Variants in OSBPL6 observed in about 807,000 individuals in gnomAD.
OSBPL6 encodes oxysterol-binding protein-related protein 6.
A neutral mutation model predicts 125.8 loss-of-function variants in OSBPL6; 49 were observed. The ratio of observed to expected loss-of-function variants is 0.39; its 90% confidence interval spans 0.31 to 0.49. The LOEUF is 0.49. Among genes scored for constraint, OSBPL6 ranks in the 20% least tolerant of loss-of-function variants. The probability of loss-of-function intolerance (pLI) is 0.88; values close to 1 mark genes in which losing one functional copy is unlikely to be tolerated. For missense variants in OSBPL6, 986 were observed against 1,135.4 expected, an observed-to-expected ratio of 0.87 and a Z score of 1.89; for synonymous variants, 394 against 391.8, an observed-to-expected ratio of 1.01 and a Z score of -0.07.
chr2:178,195,300 C>T (rs1439505237), intron 1 of OSBPL6, among the ~76,000 whole-genome samples: 1 of 152,248 alleles, frequency 6.6e-6, no homozygotes, highest in Non-Finnish European at 1.5e-5. Context: ...CCTCCGTCCA[C>T]TCCCCCGGCC....
chr2:178,378,987 A>T (rs74927091), intron 15 of OSBPL6, among the ~76,000 whole-genome samples: 3 of 151,830 alleles, frequency 2.0e-5, no homozygotes, highest in Non-Finnish European at 4.4e-5. Context: ...CAATACAGGG[A>T]GCCCCCACCT....
Position 178,398,802 on chromosome 2 carries a change from A to G in OSBPL6, c.*3243A>G, listed in dbSNP as rs1696001485. ...AGGCCTTTCAGCAACCCCACTAATC[A>G]ATTATTAGATCCTGCCCCAAGGAGC... On this transcript the variant is annotated 3_prime_UTR_variant, in exon 25 of 25. Coordinates refer to ENST00000190611, the MANE Select transcript of OSBPL6 (RefSeq NM_032523.4). 1 of 152,146 alleles carries G rather than the reference A, an allele frequency of 6.6e-6. No homozygotes were observed. Among genetic ancestry groups the G allele is most frequent in the African/African-American group, 2.4e-5 (1 of 41,406 alleles). The allele number at this position is 152,146 out of a possible 1,614,324, so 9.4% of individuals were successfully genotyped here.
In OSBPL6 at chr2:178,395,567, A is replaced by G; in HGVS notation, c.*8A>G. The G allele has an allele frequency of 6.4e-7, 1 of 1,566,340 alleles. No homozygotes were observed. The highest frequency in any genetic ancestry group is 8.8e-7 in the Non-Finnish European group (1 of 1,137,852). On this transcript the variant is annotated 3_prime_UTR_variant, in exon 25 of 25. Transcript: ENST00000190611. ...AGCCCTGTTCTTTGGTAGACTGGGA[A>G]TGTAGAGCTAGCCAACATATCACAT...
chr2:178,323,710 G>A (rs1466258301), intron 3 of OSBPL6: 3 of 152,214 alleles, frequency 2.0e-5, no homozygotes, highest in Non-Finnish European at 4.4e-5. Flanking sequence ...TGATCCGTCT[G>A]CCCCAGCCTC....
At chr2:178,301,776 G>C (rs1686313882) in intron 2 of OSBPL6, among the ~76,000 whole-genome samples, 1 of 152,142 alleles carries the variant, frequency 6.6e-6, no homozygotes, top group African/African-American at 2.4e-5. Context: ...CCATCCCATG[G>C]TTCTGCAATG....
intron 1 of OSBPL6, among the ~76,000 whole-genome samples, chr2:178,278,959 T>C (rs1322278042): frequency 6.6e-6 from 1 of 152,186 alleles, no homozygotes; most frequent in Non-Finnish European, 1.5e-5. Flanking sequence ...TTAAGACCAA[T>C]CCTTCTTTGT....
rs115740251 is a variant in OSBPL6 at position 178,286,245 on chromosome 2, G to T, written c.-156+1124G>T. Among the ~76,000 whole-genome samples the T allele has an allele frequency of 6.4e-3, 974 of 152,306 alleles. 11 individuals carry two copies. Among genetic ancestry groups the T allele is most frequent in the African/African-American group, 0.022 (920 of 41,564 alleles). Reference sequence around the variant, plus strand: ...CTTGGAAGATTAAAAATCTGGTCTTGTTACTATCCTAGTAACTGTACTTTG... The same window carrying T: ...CTTGGAAGATTAAAAATCTGGTCTTTTTACTATCCTAGTAACTGTACTTTG... On this transcript the variant is annotated intron_variant, in intron 2 of 24. Transcript: ENST00000190611.
At chr2:178,338,791 G>C (rs1467635969) in intron 9 of OSBPL6, among the ~76,000 whole-genome samples, 200 bp from the exon 10 acceptor site, 1 of 152,170 alleles carries the variant, frequency 6.6e-6, no homozygotes, top group African/African-American at 2.4e-5. Context: ...TAACTTTTAA[G>C]AGTGAGCTTT....
At chr2:178,333,071 G>A (rs754607881) in intron 8 of OSBPL6, 30 bp downstream of exon 8, 108 of 1,608,536 alleles carry the variant, frequency 6.7e-5, no homozygotes, top group Non-Finnish European at 8.2e-5. Context: ...AAACCAGCCT[G>A]AAAATTGCTT....
At chr2:178,219,556 A>G (rs966117282) in intron 1 of OSBPL6, among the ~76,000 whole-genome samples, 1 of 152,194 alleles carries the variant, frequency 6.6e-6, no homozygotes, top group Admixed American at 6.5e-5. Flanking sequence ...TTATTAGGCT[A>G]GGGTGTTGGG....
chr2:178,284,276 A>T (rs796068556), intron 1 of OSBPL6, among the ~76,000 whole-genome samples: 11 of 152,302 alleles, frequency 7.2e-5, no homozygotes, highest in African/African-American at 2.6e-4. Flanking sequence ...CTATTGGGCC[A>T]GGCATGGTGG....
chr2:178,195,832 G>A (rs2088853646), intron 1 of OSBPL6, among the ~76,000 whole-genome samples: 1 of 151,522 alleles, frequency 6.6e-6, no homozygotes. Flanking sequence ...TAATTTTCTT[G>A]GACATCTTTT....
intron 9 of OSBPL6, among the ~76,000 whole-genome samples, 181 bp from the exon 10 acceptor site, chr2:178,338,810 A>G (rs1330866774): frequency 1.3e-5 from 2 of 152,204 alleles, no homozygotes; most frequent in African/African-American, 4.8e-5. Context: ...TTGAAATATA[A>G]TGAATGGTTT....
In OSBPL6 at chr2:178,339,782, C is replaced by T. The variant is rs1311355593; in HGVS notation, c.987+18C>T. On this transcript the variant is annotated intron_variant, in intron 11 of 24. Transcript: ENST00000190611. The stretch of plus-strand genomic sequence containing the variant: ...AACTGCAGGTACAGATTTTACTTTT[C>T]CTTCATTCACGTTTCTACATATTTT... The T allele has an allele frequency of 2.6e-6, 4 of 1,562,192 alleles. No individual in the cohort carries two copies. The highest frequency in any genetic ancestry group is 2.8e-5 in the African/African-American group (2 of 72,420).
intron 3 of OSBPL6, among the ~76,000 whole-genome samples, chr2:178,306,898 C>T (rs775541957): frequency 1.2e-4 from 19 of 152,108 alleles, no homozygotes; most frequent in Non-Finnish European, 2.4e-4. Context: ...GTTGAAGTGG[C>T]GATTCTGCTG....
At chr2:178,312,451 C>T (rs1462959506) in intron 3 of OSBPL6, among the ~76,000 whole-genome samples, 2 of 148,562 alleles carry the variant, frequency 1.3e-5, no homozygotes, top group Non-Finnish European at 3.0e-5. Flanking sequence ...AACGACCATG[C>T]CCAGATAATT....
intron 2 of OSBPL6, among the ~76,000 whole-genome samples, chr2:178,297,175 A>G (rs1350700572): frequency 6.6e-6 from 1 of 152,018 alleles, no homozygotes; most frequent in East Asian, 1.9e-4. Flanking sequence ...AGGACAACTG[A>G]GAGATTTTAT....
chr2:178,384,539 G>A (rs901074304), intron 18 of OSBPL6, among the ~76,000 whole-genome samples: 7 of 152,192 alleles, frequency 4.6e-5, no homozygotes, highest in African/African-American at 1.4e-4. Context: ...GATAAGAAAG[G>A]TTGCATTCTT....
At chr2:178,364,909 C>A (rs1013223822) in intron 13 of OSBPL6, among the ~76,000 whole-genome samples, 2 of 152,108 alleles carry the variant, frequency 1.3e-5, no homozygotes, top group African/African-American at 4.8e-5. Flanking sequence ...TGGCCGGGCG[C>A]GGTGGCTCAA....
Sources: allele counts gnomAD v4.1 joint callset (sites outside exome capture counted in the v4.1 genomes callset), GRCh38; gene constraint gnomAD v4.1.1; transcripts MANE v1.5; gene names NCBI Gene and HGNC (gene_info 2026-07-23, HGNC 2026-07-21).